The following MTR variants were observed in gnomAD, a reference collection of about 807,000 sequenced individuals.
MTR encodes the protein methionine synthase.
Under a neutral mutation model 154.8 loss-of-function variants are expected in MTR, and 84 were observed. The observed-to-expected ratio is 0.54, with a 90% CI of 0.45 to 0.65. MTR has a LOEUF of 0.65. MTR is among the 30% of genes least tolerant of loss of function. The pLI is 0.00. For synonymous variants in MTR, 554 were observed against 553.9 expected, an observed-to-expected ratio of 1.00 and a Z score of 0.00; for missense variants, 1,275 against 1,570.2, an observed-to-expected ratio of 0.81 and a Z score of 3.18.
intron 27 of MTR, among the ~76,000 whole-genome samples, chr1:236,887,422 T>C (rs1456101546): frequency 2.0e-5 from 3 of 152,196 alleles, no homozygotes; most frequent in Non-Finnish European, 4.4e-5. Context: ...GAGTTACTTT[T>C]TGGAAATGTT....
At chr1:236,856,889 C>T (rs1664242645) in intron 18 of MTR, among the ~76,000 whole-genome samples, 4 of 152,130 alleles carry the variant, frequency 2.6e-5, no homozygotes, top group Admixed American at 2.6e-4. Context: ...TCATAGTATT[C>T]CATGGTGTAT....
chr1:236,837,362 G>T (rs1479371515), intron 14 of MTR, among the ~76,000 whole-genome samples: 1 of 152,204 alleles, frequency 6.6e-6, no homozygotes, highest in Non-Finnish European at 1.5e-5. Flanking sequence ...GCCCTGGGAA[G>T]CTTTCCCTGG....
intron 22 of MTR, among the ~76,000 whole-genome samples, chr1:236,868,625 GCA>G (rs1185728091): frequency 6.6e-6 from 1 of 152,292 alleles, no homozygotes; most frequent in East Asian, 1.9e-4. Flanking sequence ...TACAGATAAT[GCA>G]CAGTGTTTAA....
intron 22 of MTR, among the ~76,000 whole-genome samples, chr1:236,867,692 A>AT (rs760996117): frequency 8.2e-4 from 125 of 152,326 alleles, no homozygotes; most frequent in Non-Finnish European, 1.4e-3. Flanking sequence ...AAATATCAAC[A>AT]TTAACAGGAG....
rs1280283395 is a variant in MTR at position 236,795,585 on chromosome 1, A to G, written c.-119A>G. 1 of 1,587,898 alleles carries G rather than the reference A, an allele frequency of 6.3e-7. No homozygotes were observed. Among genetic ancestry groups the G allele is most frequent in the Non-Finnish European group, 8.5e-7 (1 of 1,171,542 alleles). On this transcript the variant is annotated 5_prime_UTR_variant, in exon 1 of 33. Transcript: ENST00000366577. ...GCGAGCCAACGGGAGGCGTCAAAAG[A>G]CCCGGGCCTTGTGTGGCAGGCTCGC...
intron 22 of MTR, among the ~76,000 whole-genome samples, chr1:236,873,341 G>T (rs1665245361): frequency 6.6e-6 from 1 of 152,294 alleles, no homozygotes; most frequent in Admixed American, 6.5e-5. Flanking sequence ...TCTGCTCTGG[G>T]TGATAAAATA....
intron 12 of MTR, among the ~76,000 whole-genome samples, chr1:236,831,537 T>C (rs71642861): frequency 3.9e-5 from 6 of 152,206 alleles, no homozygotes; most frequent in Non-Finnish European, 5.9e-5. Context: ...TTGGTGGGAT[T>C]AAAAAAGCTT....
chr1:236,859,359 C>G (rs1664390928), intron 18 of MTR, among the ~76,000 whole-genome samples: 1 of 152,200 alleles, frequency 6.6e-6, no homozygotes. Flanking sequence ...TGGAGGACAC[C>G]TTCAAACCAT....
chr1:236,846,099 G>A (rs1663554710), intron 15 of MTR, among the ~76,000 whole-genome samples: 1 of 152,190 alleles, frequency 6.6e-6, no homozygotes, highest in Non-Finnish European at 1.5e-5. Flanking sequence ...ACAGGAGGCT[G>A]GGCCTGAGAC....
At position 236,901,189 on chromosome 1, in the gene MTR, G is replaced by A. The variant is rs991425514; in HGVS notation, c.*3545G>A. On this transcript the variant is annotated 3_prime_UTR_variant, in exon 33 of 33. Coordinates refer to ENST00000366577, the MANE Select transcript of MTR (RefSeq NM_000254.3). ...CCAGCAGAACCCAATGCTGCAAAGA[G>A]GCCTGGGAATGGGATTGCTGAGGGC... 1 of 152,670 alleles carries A rather than the reference G, an allele frequency of 6.6e-6. No individual in the cohort carries two copies. 9.5% of individuals were successfully genotyped at this position (152,670 alleles called of 1,614,324 possible).
chr1:236,872,296 G>A (rs942837009), intron 22 of MTR, among the ~76,000 whole-genome samples: 6 of 152,166 alleles, frequency 3.9e-5, no homozygotes, highest in Non-Finnish European at 4.4e-5. Context: ...CTGCCCCAGC[G>A]CCTGTTCTCC....
intron 5 of MTR, among the ~76,000 whole-genome samples, chr1:236,812,113 C>T (rs939769507): frequency 2.0e-5 from 3 of 152,244 alleles, no homozygotes; most frequent in African/African-American, 7.2e-5. Context: ...GAACTCCTGA[C>T]CTCAAGTGAT....
intron 15 of MTR, among the ~76,000 whole-genome samples, chr1:236,848,171 G>A (rs1325734299): frequency 6.6e-6 from 1 of 152,154 alleles, no homozygotes; most frequent in African/African-American, 2.4e-5. Flanking sequence ...TTCTAGAAAT[G>A]AATTCCTGTC....
At chr1:236,821,342 A>G (rs1278670927) in intron 8 of MTR, among the ~76,000 whole-genome samples, 4 of 152,244 alleles carry the variant, frequency 2.6e-5, no homozygotes, top group African/African-American at 7.2e-5. Context: ...CTGGAGAAAG[A>G]CAGTAATCCA....
intron 8 of MTR, chr1:236,819,570 T>C (rs1321644461): frequency 2.5e-6 from 1 of 394,262 alleles, no homozygotes; most frequent in East Asian, 6.0e-5. Context: ...CTTTCCATGC[T>C]ACTCACAGAG....
At chr1:236,815,004 A>T (rs527481352) in intron 6 of MTR, among the ~76,000 whole-genome samples, 2 of 152,380 alleles carry the variant, frequency 1.3e-5, no homozygotes, top group East Asian at 1.9e-4. Flanking sequence ...AAAAAAGAAG[A>T]TCCATTATCT....
At position 236,853,020 on chromosome 1, in the gene MTR, C is replaced by A. The variant is rs994058849; in HGVS notation, c.1885C>A (p.Gln629Lys). The A allele has an allele frequency of 4.3e-6, 7 of 1,613,852 alleles. No individual in the cohort carries two copies. The highest frequency in any genetic ancestry group is 5.1e-6 in the Non-Finnish European group (6 of 1,179,894). The change falls in exon 18 of 33, where the codon CAG (glutamine) becomes AAG (lysine). Residue 629 changes from glutamine (Q) to lysine (K), a missense_variant. Coordinates refer to ENST00000366577, the MANE Select transcript of MTR (RefSeq NM_000254.3). Reference protein sequence around the residue: ...VYDDIHKELLQLCEDLIWNKD... With the variant: ...VYDDIHKELLKLCEDLIWNKD... ...TGATGATATCCATAAGGAACTTCTG[C>A]AGCTCTGTGAAGATCTCATCTGGAA... is the stretch of plus-strand genomic sequence containing the variant.
chr1:236,871,703 AACCTGCAGTGGTT>A (rs1416239584), intron 22 of MTR, among the ~76,000 whole-genome samples: 1 of 152,210 alleles, frequency 6.6e-6, no homozygotes, highest in Admixed American at 6.5e-5. Context: ...CTCCTGCTAT[AACCTGCAGTGGTT>A]ATACATCATT....
chr1:236,803,425 A>C lies in MTR; in HGVS notation c.35-3A>C. 1.2e-6 allele frequency: 2 copies of C among 1,613,850 alleles called. No homozygotes were observed. The highest frequency in any genetic ancestry group is 8.5e-7 in the Non-Finnish European group (1 of 1,179,826). On this transcript the variant is annotated splice_polypyrimidine_tract_variant and splice_region_variant and intron_variant, in intron 1 of 32. Coordinates refer to ENST00000366577, the MANE Select transcript of MTR (RefSeq NM_000254.3). ...TGAAGTCAAACTTTCACTTTCTTTAAAGAAGGTCTGAAGAAAACCCTGCGG... is the reference window on the plus strand; with the variant it reads ...TGAAGTCAAACTTTCACTTTCTTTACAGAAGGTCTGAAGAAAACCCTGCGG...
Sources: allele counts gnomAD v4.1 joint callset (sites outside exome capture counted in the v4.1 genomes callset), GRCh38; gene constraint gnomAD v4.1.1; transcripts MANE v1.5; gene names NCBI Gene and HGNC (gene_info 2026-07-23, HGNC 2026-07-21).